The following BICD1 variants were observed in gnomAD, a reference collection of about 807,000 sequenced individuals.
The protein encoded by BICD1 is BICD cargo adaptor 1, also known as protein bicaudal D homolog 1.
In BICD1, 35 loss-of-function variants were observed where a neutral mutation model predicts 92.5. The observed-to-expected ratio is 0.38, with a 90% CI of 0.29 to 0.50. The LOEUF (loss-of-function observed/expected upper bound fraction) is 0.50, where lower values mean the gene tolerates loss of function less well. Ranked by LOEUF, BICD1 falls within the 20% of genes least tolerant of loss-of-function variation. The pLI is 0.93. For missense variants in BICD1, 950 were observed against 1,189.8 expected, an observed-to-expected ratio of 0.80 and a Z score of 2.97; for synonymous variants, 429 against 465.1, an observed-to-expected ratio of 0.92 and a Z score of 1.00.
chr12:32,152,878 G>A (rs781660022), intron 1 of BICD1, among the ~76,000 whole-genome samples: 2 of 152,296 alleles, frequency 1.3e-5, no homozygotes, highest in Non-Finnish European at 2.9e-5. Flanking sequence ...AGGTTGTTCA[G>A]TTACATTCCA....
At chr12:32,293,790 G>T (rs1947786860) in intron 2 of BICD1, among the ~76,000 whole-genome samples, 1 of 152,140 alleles carries the variant, frequency 6.6e-6, no homozygotes, top group African/African-American at 2.4e-5. Context: ...ACTTAAGAAT[G>T]ATTTTTAGAT....
chr12:32,169,191 C>G (rs1294034842), intron 1 of BICD1, among the ~76,000 whole-genome samples: 1 of 151,950 alleles, frequency 6.6e-6, no homozygotes, highest in Non-Finnish European at 1.5e-5. Flanking sequence ...GGTTAATTAT[C>G]TCGTAAAAAG....
At chr12:32,112,087 A>G (rs1276326580) in intron 1 of BICD1, among the ~76,000 whole-genome samples, 1 of 145,562 alleles carries the variant, frequency 6.9e-6, no homozygotes, top group African/African-American at 2.6e-5. Flanking sequence ...GCTCACCGCA[A>G]ATTCTGCCTC....
chr12:32,228,478 A>G (rs1945771750), intron 2 of BICD1, among the ~76,000 whole-genome samples: 1 of 152,094 alleles, frequency 6.6e-6, no homozygotes. Context: ...CATTGAAAGG[A>G]TTTAGGCTTT....
rs533035641 is a variant in BICD1 at position 32,180,050 on chromosome 12, C to T, written c.214-36197C>T. On this transcript the variant is annotated intron_variant, in intron 1 of 9. Coordinates refer to ENST00000652176, the MANE Select transcript of BICD1 (RefSeq NM_001714.4). Reference sequence around the variant, plus strand: ...GAGGATTTAAGGTGGAGGATTTCCTCGCAGTAGGTAAAGAAGCAAAGCCCT... The same window carrying T: ...GAGGATTTAAGGTGGAGGATTTCCTTGCAGTAGGTAAAGAAGCAAAGCCCT... Among the ~76,000 whole-genome samples the T allele has an allele frequency of 4.3e-4, 65 of 150,602 alleles. 1 individual carries two copies. Among genetic ancestry groups the T allele is most frequent in the Non-Finnish European group, 5.9e-4 (40 of 67,732 alleles).
intron 1 of BICD1, among the ~76,000 whole-genome samples, chr12:32,112,001 CTTT>C (rs35592483): frequency 1.0e-5 from 1 of 97,082 alleles, no homozygotes; most frequent in Admixed American, 1.1e-4. Flanking sequence ...TGCACTATCC[CTTT>C]TTTTTTTTTT....
At chr12:32,373,927 T>C (rs959279883) in intron 9 of BICD1, among the ~76,000 whole-genome samples, 1 of 151,258 alleles carries the variant, frequency 6.6e-6, no homozygotes. Flanking sequence ...AAACATATCT[T>C]TCTTGGGTGG....
In BICD1 at chr12:32,371,578, GT is replaced by G. The variant is rs561190805; in HGVS notation, c.2840+3840del. Among the ~76,000 whole-genome samples the G allele has an allele frequency of 5.3e-5, 8 of 151,836 alleles. No homozygotes were observed. In the East Asian group the frequency reaches 5.8e-4, roughly 11 times the overall value. ...TGTTTGTTTGGTTTAGTTTTTTGGC[GT>G]TTTTTTGTTTGTTTTTGTTTTTGTT... On this transcript the variant is annotated intron_variant, in intron 9 of 9. Coordinates refer to ENST00000652176, the MANE Select transcript of BICD1 (RefSeq NM_001714.4).
chr12:32,233,432 A>C (rs58654691), intron 2 of BICD1, among the ~76,000 whole-genome samples: 7,272 of 152,092 alleles, frequency 0.048, 286 homozygotes, highest in East Asian at 0.21. Flanking sequence ...AGTGGAAAGC[A>C]GCCTACTTTT....
chr12:32,166,137 TA>T (rs111289412), intron 1 of BICD1, among the ~76,000 whole-genome samples: 760 of 10,530 alleles, frequency 0.072, 8 homozygotes, highest in Middle Eastern at 0.25. Flanking sequence ...TTTATTTATT[TA>T]TTTATTTATT....
chr12:32,337,372 A>T lies in BICD1; in HGVS notation c.2253-127A>T. 1.3e-6 allele frequency: 1 copy of T among 768,600 alleles called. No homozygotes were observed. Among genetic ancestry groups the T allele is most frequent in the South Asian group, 1.9e-5 (1 of 52,612 alleles). The allele number at this position is 768,600 out of a possible 1,614,324, so 47.6% of individuals were successfully genotyped here. On this transcript the variant is annotated intron_variant, in intron 6 of 9. Coordinates refer to ENST00000652176, the MANE Select transcript of BICD1 (RefSeq NM_001714.4). This position sits in a 1 kb window ranked among gnomAD's most constrained non-coding sequence, Gnocchi z 4.7. ...TGCTATTGTGGGTTATCTACATTCT[A>T]TTGCTAGACCTTTAAACCAGTCTTC...
chr12:32,194,345 T>C (rs1944662718), intron 1 of BICD1, among the ~76,000 whole-genome samples: 1 of 152,190 alleles, frequency 6.6e-6, no homozygotes, highest in Non-Finnish European at 1.5e-5. Flanking sequence ...CTAGAAGTCC[T>C]AGCTAGAGCA....
intron 1 of BICD1, among the ~76,000 whole-genome samples, chr12:32,175,701 C>T (rs536284555): frequency 6.6e-6 from 1 of 152,116 alleles, no homozygotes; most frequent in African/African-American, 2.4e-5. Flanking sequence ...TTTTTAAAAG[C>T]AACTTTATTG....
intron 1 of BICD1, among the ~76,000 whole-genome samples, chr12:32,210,735 C>T (rs7965981): frequency 6.6e-6 from 1 of 152,102 alleles, no homozygotes. Context: ...ACAAAAATTA[C>T]CCATGAAATG....
intron 2 of BICD1, among the ~76,000 whole-genome samples, chr12:32,233,319 C>CT (rs1555152908): frequency 2.0e-3 from 83 of 42,132 alleles, no homozygotes; most frequent in African/African-American, 6.1e-3. Context: ...AAGAGTCTGT[C>CT]TTTAAAAAAA....
At chr12:32,302,941 TTTTTTC>T (rs1948101076) in intron 3 of BICD1, among the ~76,000 whole-genome samples, 1 of 149,232 alleles carries the variant, frequency 6.7e-6, no homozygotes, top group Non-Finnish European at 1.5e-5. Context: ...CTTTTTTTTT[TTTTTTC>T]CCTCAAGACA....
At chr12:32,190,206 C>T (rs897464000) in intron 1 of BICD1, among the ~76,000 whole-genome samples, 1 of 152,132 alleles carries the variant, frequency 6.6e-6, no homozygotes. Flanking sequence ...AACAAATGAA[C>T]TGCAAAACAA....
intron 2 of BICD1, among the ~76,000 whole-genome samples, chr12:32,279,772 T>A (rs550868288): frequency 6.6e-5 from 10 of 152,322 alleles, no homozygotes; most frequent in African/African-American, 2.2e-4. Flanking sequence ...GTAGGAGAAT[T>A]AACCCTTCGT....
chr12:32,328,230 C>G lies in BICD1; in HGVS notation c.1775C>G (p.Pro592Arg). The change falls in exon 5 of 10, where the codon CCA (proline) becomes CGA (arginine). Residue 592 changes from proline (P) to arginine (R), a missense_variant. Physicochemically the swap from Pro to Arg is moderately radical, Grantham distance 103 (BLOSUM62 -2). Around this residue, in one of 5 missense-constraint regions of BICD1, gnomAD observed 309 missense variants for 499.4 expected, o/e 0.62. Transcript: ENST00000652176. This position sits in a 1 kb window ranked among gnomAD's most constrained non-coding sequence, Gnocchi z 4.4. ...AKESTEASKE[P>R]SPTKTPTISP... Reference sequence around the variant, plus strand: ...GAAAGCACAGAGGCCAGCAAAGAACCAAGTCCAACTAAGACCCCCACAATC... The same window carrying G: ...GAAAGCACAGAGGCCAGCAAAGAACGAAGTCCAACTAAGACCCCCACAATC... 3.7e-6 allele frequency: 6 copies of G among 1,614,152 alleles called. No homozygotes were observed. Among genetic ancestry groups the G allele is most frequent in the Non-Finnish European group, 5.1e-6 (6 of 1,180,028 alleles).
Sources: gnomAD v4.1 joint callset for allele counts (sites outside exome capture counted in the v4.1 genomes callset) on GRCh38, gnomAD v4.1.1 for gene constraint, gnomAD v4.1.1 regional missense constraint, Gnocchi (gnomAD v3.1) non-coding constraint, MANE v1.5 for transcripts, NCBI Gene and HGNC (gene_info 2026-07-23, HGNC 2026-07-21) for gene names.